GBF1: variants seen among roughly 807,000 people sequenced by gnomAD.
The protein encoded by GBF1 is golgi brefeldin A resistant guanine nucleotide exchange factor 1.
GBF1 carries 114 observed loss-of-function variants against 210.5 expected under a neutral mutation model. The ratio of observed to expected loss-of-function variants is 0.54; its 90% CI spans 0.47 to 0.63. The LOEUF is 0.63. GBF1 is among the 30% of genes least tolerant of loss of function. The pLI, the probability that GBF1 is intolerant of heterozygous loss-of-function variation, is 0.00. For missense variants in GBF1, 1,851 were observed against 2,357.7 expected (o/e 0.79, Z 4.45); for synonymous variants, 850 against 889.2 (o/e 0.96, Z 0.78).
At chr10:102,350,195 C>T (rs976686274) in intron 4 of GBF1, among the ~76,000 whole-genome samples, 2 of 152,014 alleles carry the variant, frequency 1.3e-5, no homozygotes, top group East Asian at 3.9e-4. Flanking sequence ...ACTAAAAATA[C>T]AAAATTAGCC....
At chr10:102,310,071 T>C (rs1323942746) in intron 3 of GBF1, among the ~76,000 whole-genome samples, 1 of 152,220 alleles carries the variant, frequency 6.6e-6, no homozygotes, top group Admixed American at 6.5e-5. Context: ...AGAAGCCATG[T>C]GGATAGTTAC....
At chr10:102,379,129 G>C (rs1320038505) in intron 33 of GBF1, among the ~76,000 whole-genome samples, 155 bp from the exon 34 acceptor site, 1 of 152,152 alleles carries the variant, frequency 6.6e-6, no homozygotes, top group Non-Finnish European at 1.5e-5. Context: ...CAACCAGGAA[G>C]TCAAGTCAAG....
chr10:102,300,756 G>C (rs2077268685), intron 3 of GBF1, among the ~76,000 whole-genome samples: 1 of 152,150 alleles, frequency 6.6e-6, no homozygotes, highest in South Asian at 2.1e-4. Flanking sequence ...AAGCTCCGTC[G>C]TCATTCAGTT....
intron 1 of GBF1, among the ~76,000 whole-genome samples, chr10:102,252,205 G>A (rs1236327855): frequency 1.3e-5 from 2 of 151,994 alleles, no homozygotes; most frequent in African/African-American, 4.8e-5. Context: ...CCGGCATGGT[G>A]GCGCATGAAT....
intron 21 of GBF1, 31 bp from the exon 22 acceptor site, chr10:102,368,187 T>G: frequency 6.9e-7 from 1 of 1,447,830 alleles, no homozygotes; most frequent in South Asian, 1.1e-5. Flanking sequence ...TTCAAAGCAG[T>G]GCAACTGCTC....
At chr10:102,372,654 T>G (rs2060276263) in intron 29 of GBF1, among the ~76,000 whole-genome samples, 1 of 152,208 alleles carries the variant, frequency 6.6e-6, no homozygotes, top group South Asian at 2.1e-4. Flanking sequence ...GACCAAGATG[T>G]AAGAACAATT....
intron 3 of GBF1, among the ~76,000 whole-genome samples, chr10:102,307,220 C>A (rs1275283031): frequency 6.6e-6 from 1 of 152,090 alleles, no homozygotes; most frequent in Non-Finnish European, 1.5e-5. Context: ...ATTTTCAGCT[C>A]TTACTATAAC....
At chr10:102,301,866 G>A (rs1275638417) in intron 3 of GBF1, among the ~76,000 whole-genome samples, 23 of 152,214 alleles carry the variant, frequency 1.5e-4, no homozygotes, top group Admixed American at 1.3e-3. Flanking sequence ...AAGGGGTGGC[G>A]GCCGGGCAGA....
chr10:102,259,746 A>G (rs2072947527), intron 2 of GBF1, among the ~76,000 whole-genome samples: 1 of 152,220 alleles, frequency 6.6e-6, no homozygotes. Context: ...TGGGTATGAA[A>G]AGGGAGAGAA....
At chr10:102,354,687 C>T (rs2059191633) in intron 8 of GBF1, among the ~76,000 whole-genome samples, 1 of 152,120 alleles carries the variant, frequency 6.6e-6, no homozygotes. Flanking sequence ...AAGACTTGAA[C>T]ATCACATAGT....
Position 102,361,013 on chromosome 10 carries a change from C to T in GBF1, c.1393-9C>T, listed in dbSNP as rs764596332. The stretch of plus-strand genomic sequence containing the variant: ...AAAAACTCATGGCCTACCCTGCTCT[C>T]ATCTCCAGCTACTCAGCATAGAGCG... On this transcript the variant is annotated splice_polypyrimidine_tract_variant and intron_variant, in intron 12 of 39. Coordinates refer to ENST00000369983, the MANE Select transcript of GBF1 (RefSeq NM_001377137.1). The T allele has an allele frequency of 2.9e-6, 4 of 1,370,132 alleles. No individual in the cohort carries two copies. The highest frequency in any genetic ancestry group is 4.2e-6 in the Non-Finnish European group (4 of 958,814). The allele number at this position is 1,370,132 out of a possible 1,614,324, so 84.9% of individuals were successfully genotyped here. A position where few individuals can be genotyped will look rare whatever the true frequency, so the allele number is the denominator to read the frequency against.
At chr10:102,353,512 G>A in intron 7 of GBF1, 88 bp from the exon 8 acceptor site, 1 of 870,886 alleles carries the variant, frequency 1.1e-6, no homozygotes, top group Non-Finnish European at 2.0e-6. Context: ...GCATGCTCTG[G>A]CTCAGAGCAC....
chr10:102,335,194 T>C (rs2057638946), intron 3 of GBF1, among the ~76,000 whole-genome samples: 2 of 152,216 alleles, frequency 1.3e-5, no homozygotes. Flanking sequence ...CGAAGTGTTT[T>C]CTCCAATGGG....
In GBF1 at chr10:102,304,972, C is replaced by T. The variant is rs113076297; in HGVS notation, c.164-39079C>T. On this transcript the variant is annotated intron_variant, in intron 3 of 39. Transcript: ENST00000369983. Reference sequence around the variant, plus strand: ...GACCAGCCTGGGCAACATAGCAAGACGCACATCTCTTAAAAAAAAAGAAAG... The same window carrying T: ...GACCAGCCTGGGCAACATAGCAAGATGCACATCTCTTAAAAAAAAAGAAAG... Among the ~76,000 whole-genome samples, 99 of 143,284 alleles carry T rather than the reference C, an allele frequency of 6.9e-4. 1 individual carries two copies. The highest frequency in any genetic ancestry group is 2.3e-3 in the African/African-American group (87 of 38,148). The allele number at this position is 143,284 out of a possible 152,430, so 94.0% of individuals were successfully genotyped here.
upstream of GBF1, among the ~76,000 whole-genome samples, chr10:102,241,002 C>T (rs1297496475): frequency 6.6e-6 from 1 of 151,468 alleles, no homozygotes; most frequent in African/African-American, 2.4e-5. The surrounding 1 kb of genome is among the most constrained non-coding windows in gnomAD (Gnocchi z 6.7). Flanking sequence ...GCTCCCTGGC[C>T]GCCTGCCCCG....
intron 8 of GBF1, among the ~76,000 whole-genome samples, chr10:102,354,871 G>A (rs1469834993): frequency 2.6e-5 from 4 of 151,410 alleles, no homozygotes; most frequent in Non-Finnish European, 5.9e-5. Flanking sequence ...TGGATTACCT[G>A]GACTGGGTTT....
At chr10:102,367,612 G>C (rs2059984721) in intron 21 of GBF1, 52 bp downstream of exon 21, 1 of 1,059,484 alleles carries the variant, frequency 9.4e-7, no homozygotes, top group South Asian at 1.3e-5. Context: ...GAAGCACATT[G>C]CTTCCTTTCC....
chr10:102,382,380 T>C lies in GBF1; in HGVS notation c.*44T>C. ...CAGGACCAGTGCTTCCCACCAGGCT[T>C]TCCTTGACCCCACTTCTGGCTGTCC... On this transcript the variant is annotated 3_prime_UTR_variant, in exon 40 of 40. Coordinates refer to ENST00000369983, the MANE Select transcript of GBF1 (RefSeq NM_001377137.1). 2 of 1,517,042 alleles carry C rather than the reference T, an allele frequency of 1.3e-6. No individual in the cohort carries two copies. Among genetic ancestry groups the C allele is most frequent in the Non-Finnish European group, 1.8e-6 (2 of 1,121,418 alleles). The allele number at this position is 1,517,042 out of a possible 1,614,324, so 94.0% of individuals were successfully genotyped here. A position where few individuals can be genotyped will look rare whatever the true frequency, so the allele number is the denominator to read the frequency against.
intron 8 of GBF1, among the ~76,000 whole-genome samples, chr10:102,354,855 T>A (rs552437324): frequency 2.0e-5 from 3 of 151,972 alleles, no homozygotes; most frequent in Admixed American, 1.3e-4. Context: ...AGTCCTCAGC[T>A]CTATCTGGAT....
Sources: gnomAD v4.1 joint callset for allele counts (sites outside exome capture counted in the v4.1 genomes callset) on GRCh38, gnomAD v4.1.1 for gene constraint, Gnocchi (gnomAD v3.1) non-coding constraint, MANE v1.5 for transcripts, NCBI Gene and HGNC (gene_info 2026-07-23, HGNC 2026-07-21) for gene names.